The following CCDC85A variants were observed in gnomAD, a reference collection of about 807,000 sequenced individuals.
CCDC85A encodes the protein coiled-coil domain-containing protein 85A.
A neutral mutation model predicts 50.2 loss-of-function variants in CCDC85A; 38 were observed. That is an observed-to-expected ratio of 0.76 (90% CI 0.58 to 0.99). The LOEUF (loss-of-function observed/expected upper bound fraction) is 0.99. CCDC85A is among the 50% of genes least tolerant of loss of function. The pLI, the probability that CCDC85A is intolerant of heterozygous loss-of-function variation, is 0.00. For missense variants in CCDC85A, 820 were observed against 742.0 expected (o/e 1.11, Z -1.22); for synonymous variants, 366 against 301.4 (o/e 1.21, Z -2.22).
At chr2:56,379,716 T>C (rs1276168158) in intron 5 of CCDC85A, 5 of 765,358 alleles carry the variant, frequency 6.5e-6, no homozygotes, top group Non-Finnish European at 8.0e-6. Flanking sequence ...CTTTTTTCCA[T>C]GTGAAATTTG....
intron 3 of CCDC85A, 139 bp downstream of exon 3, chr2:56,343,094 T>G: frequency 1.7e-6 from 1 of 589,598 alleles, no homozygotes; most frequent in Admixed American, 2.8e-5. Context: ...CAATGTAGAG[T>G]GTGATTATGT....
intron 3 of CCDC85A, among the ~76,000 whole-genome samples, chr2:56,359,058 C>T (rs1356855733): frequency 6.6e-6 from 1 of 151,970 alleles, no homozygotes; most frequent in Non-Finnish European, 1.5e-5. Context: ...CCCACCTTAG[C>T]CTCCCAAAGT....
At position 56,369,486 on chromosome 2, in the gene CCDC85A, A is replaced by C. The variant is rs79773608; in HGVS notation, c.1318-2858A>C. ...TGACCCCGAAAGTCCTGAGGACTAA[A>C]GGCTATGACTCATGCTAAACCCATG... On this transcript the variant is annotated intron_variant, in intron 3 of 5. Transcript: ENST00000407595. Among the ~76,000 whole-genome samples, 685 of 152,274 alleles carry C rather than the reference A, an allele frequency of 4.5e-3. 5 individuals are homozygous for C. Among genetic ancestry groups the C allele is most frequent in the African/African-American group, 0.016 (651 of 41,574 alleles).
At chr2:56,376,073 T>C (rs1676322954) in intron 5 of CCDC85A, 138 bp downstream of exon 5, 2 of 905,324 alleles carry the variant, frequency 2.2e-6, no homozygotes, top group Admixed American at 3.7e-5. Flanking sequence ...ACTTTTTAAA[T>C]CTTAATTTTT....
intron 2 of CCDC85A, among the ~76,000 whole-genome samples, chr2:56,285,914 C>A (rs60143847): frequency 0.085 from 12,910 of 151,402 alleles, 1,782 homozygotes; most frequent in African/African-American, 0.29. Context: ...GGATATAAAT[C>A]TTCTTAGGCT....
intron 1 of CCDC85A, among the ~76,000 whole-genome samples, chr2:56,188,494 A>G (rs528518701): frequency 5.3e-4 from 80 of 152,246 alleles, no homozygotes; most frequent in Non-Finnish European, 1.0e-3. Context: ...AATCAGAAGT[A>G]GCTGTAGCAT....
intron 2 of CCDC85A, among the ~76,000 whole-genome samples, chr2:56,287,278 C>G (rs1273692920): frequency 2.0e-5 from 3 of 152,154 alleles, no homozygotes; most frequent in Non-Finnish European, 4.4e-5. Flanking sequence ...AGTACTCTGC[C>G]CTACACATTC....
At chr2:56,223,324 A>G (rs2103913408) in intron 2 of CCDC85A, among the ~76,000 whole-genome samples, 1 of 152,218 alleles carries the variant, frequency 6.6e-6, no homozygotes, top group East Asian at 1.9e-4. Context: ...CTCTGTCACA[A>G]CTCTTCAACT....
In CCDC85A at chr2:56,342,797, A is replaced by G. The variant is rs577383615; in HGVS notation, c.1241-82A>G. The G allele has an allele frequency of 1.0e-4, 87 of 856,152 alleles. 2 individuals are homozygous for G. The South Asian group carries it at 1.5e-3, about 15-fold the overall frequency. The allele number at this position is 856,152 out of a possible 1,614,324, so 53.0% of individuals were successfully genotyped here. A position where few individuals can be genotyped will look rare whatever the true frequency, so the allele number is the denominator to read the frequency against. On this transcript the variant is annotated intron_variant, in intron 2 of 5. Coordinates refer to ENST00000407595, the MANE Select transcript of CCDC85A (RefSeq NM_001080433.2). ...GACTAAATAGTCACTGTCTGATTTG[A>G]ATAAATCAAGCCAGAAATATCCTGA...
intron 2 of CCDC85A, among the ~76,000 whole-genome samples, chr2:56,235,030 G>T (rs1478200843): frequency 6.6e-6 from 1 of 152,098 alleles, no homozygotes; most frequent in East Asian, 1.9e-4. Flanking sequence ...TAAGCTTTTA[G>T]GGTCATTAAT....
chr2:56,253,412 A>G (rs1195517374), intron 2 of CCDC85A, among the ~76,000 whole-genome samples: 3 of 152,332 alleles, frequency 2.0e-5, no homozygotes, highest in South Asian at 4.1e-4. Context: ...AGCAGGAAGC[A>G]TGTAAAGAAC....
Position 56,184,645 on chromosome 2 carries a change from C to T in CCDC85A, c.21C>T (p.Gly7=), listed in dbSNP as rs1419910555. Residue 7 remains glycine (G), a synonymous_variant, in exon 1 of 6, where the codon GGC becomes GGT. Transcript: ENST00000407595. ...ATACCATGTCGAAGGCGGCCGGAGGCGCGGCGGCGGCTGCGGCGGCGGCGG... is the reference window on the plus strand; with the variant it reads ...ATACCATGTCGAAGGCGGCCGGAGGTGCGGCGGCGGCTGCGGCGGCGGCGG... MSKAAG[G]AAAAAAAAES... The T allele has an allele frequency of 2.4e-5, 35 of 1,438,206 alleles. No individual in the cohort carries two copies. In the East Asian group the frequency reaches 8.8e-4, roughly 36 times the overall value. 89.1% of individuals were successfully genotyped at this position (1,438,206 alleles called of 1,614,324 possible).
intron 2 of CCDC85A, among the ~76,000 whole-genome samples, chr2:56,314,290 T>C (rs2032698): frequency 0.096 from 14,477 of 151,356 alleles, 999 homozygotes; most frequent in East Asian, 0.33. Flanking sequence ...AGTACTGACC[T>C]AGAGTAGAAA....
chr2:56,263,832 A>G (rs1021482938), intron 2 of CCDC85A, among the ~76,000 whole-genome samples: 1 of 152,116 alleles, frequency 6.6e-6, no homozygotes, highest in African/African-American at 2.4e-5. Flanking sequence ...CTTACACACT[A>G]TAACACTGGG....
chr2:56,367,694 G>A (rs1319547757), intron 3 of CCDC85A, among the ~76,000 whole-genome samples: 2 of 151,986 alleles, frequency 1.3e-5, no homozygotes, highest in African/African-American at 2.4e-5. Context: ...TCTCTTGGGG[G>A]CCAAATCACC....
At chr2:56,337,908 C>G (rs1018857411) in intron 2 of CCDC85A, among the ~76,000 whole-genome samples, 11 of 152,010 alleles carry the variant, frequency 7.2e-5, no homozygotes, top group African/African-American at 2.7e-4. Context: ...CCTCAGCCTC[C>G]CGAGTAGCTG....
chr2:56,346,440 G>A (rs1218124243), intron 3 of CCDC85A, among the ~76,000 whole-genome samples: 1 of 152,194 alleles, frequency 6.6e-6, no homozygotes, highest in Non-Finnish European at 1.5e-5. Context: ...TGAAGATTAA[G>A]TTAGTTTTAT....
At chr2:56,217,499 C>G (rs1668121940) in intron 2 of CCDC85A, among the ~76,000 whole-genome samples, 1 of 151,850 alleles carries the variant, frequency 6.6e-6, no homozygotes, top group African/African-American at 2.4e-5. Context: ...CCATTTTTAA[C>G]TGGAAGTCAT....
chr2:56,265,192 G>T (rs1357491272), intron 2 of CCDC85A, among the ~76,000 whole-genome samples: 1 of 152,172 alleles, frequency 6.6e-6, no homozygotes, highest in African/African-American at 2.4e-5. Flanking sequence ...GAAAGGGGAA[G>T]GACAAGCCAG....
Sources: allele counts gnomAD v4.1 joint callset (sites outside exome capture counted in the v4.1 genomes callset), GRCh38; gene constraint gnomAD v4.1.1; transcripts MANE v1.5; gene names NCBI Gene and HGNC (gene_info 2026-07-23, HGNC 2026-07-21).